The following BCL7C variants were observed in gnomAD, a reference collection of about 807,000 sequenced individuals.
BCL7C encodes the protein BAF chromatin remodeling complex subunit BCL7C, also known as B-cell CLL/lymphoma 7 protein family member C.
A neutral mutation model predicts 26.2 loss-of-function variants in BCL7C; 8 were observed. The observed-to-expected ratio is 0.30, with a 90% confidence interval of 0.18 to 0.55. The LOEUF is 0.55. Ranked by LOEUF, BCL7C falls within the 20% of genes least tolerant of loss-of-function variation. BCL7C has a pLI of 0.93. For missense variants in BCL7C, 262 were observed against 298.5 expected (o/e 0.88, Z 0.90); for synonymous variants, 90 against 116.5 (o/e 0.77, Z 1.47).
At chr16:30,867,098 A>G (rs2054836071) in intron 5 of BCL7C, among the ~76,000 whole-genome samples, 1 of 152,208 alleles carries the variant, frequency 6.6e-6, no homozygotes, top group African/African-American at 2.4e-5. Context: ...ATGACTTTTA[A>G]AATCTAGCCA....
chr16:30,871,196 A>G (rs1399562655), intron 5 of BCL7C, among the ~76,000 whole-genome samples: 3 of 152,112 alleles, frequency 2.0e-5, no homozygotes, highest in Admixed American at 6.6e-5. Context: ...GTAGCTAGAA[A>G]CTGACTTAGG....
intron 5 of BCL7C, among the ~76,000 whole-genome samples, chr16:30,868,537 G>A (rs983466617): frequency 6.6e-6 from 1 of 151,012 alleles, no homozygotes; most frequent in African/African-American, 2.4e-5. Flanking sequence ...TGTAATCCCA[G>A]CACTTTGGGA....
intron 5 of BCL7C, among the ~76,000 whole-genome samples, chr16:30,857,622 AAAC>A (rs1377953772): frequency 6.6e-6 from 1 of 152,124 alleles, no homozygotes; most frequent in Non-Finnish European, 1.5e-5. Context: ...GAGCAAGTTA[AAAC>A]ACCACAAAAC....
intron 5 of BCL7C, among the ~76,000 whole-genome samples, chr16:30,847,093 T>C (rs1258935893): frequency 6.6e-6 from 1 of 152,224 alleles, no homozygotes; most frequent in African/African-American, 2.4e-5. Context: ...AATGCTTCCA[T>C]GACAAGCCTA....
At chr16:30,848,236 T>C (rs536753537) in intron 5 of BCL7C, among the ~76,000 whole-genome samples, 3 of 152,218 alleles carry the variant, frequency 2.0e-5, no homozygotes, top group Non-Finnish European at 2.9e-5. Flanking sequence ...ATGTGTACTC[T>C]ATCAACTCTA....
intron 5 of BCL7C, among the ~76,000 whole-genome samples, chr16:30,836,180 G>A (rs995091877): frequency 2.0e-5 from 3 of 152,150 alleles, no homozygotes; most frequent in African/African-American, 7.2e-5. Context: ...CTTGAGCCTG[G>A]GAGGCAGAAG....
intron 5 of BCL7C, among the ~76,000 whole-genome samples, chr16:30,871,467 G>T (rs1212633813): frequency 4.6e-5 from 7 of 152,066 alleles, no homozygotes; most frequent in Admixed American, 4.6e-4. Context: ...AGTGCTCTGA[G>T]AATATTCACC....
chr16:30,865,748 A>C (rs1264362563), intron 5 of BCL7C, among the ~76,000 whole-genome samples: 1 of 94,652 alleles, frequency 1.1e-5, no homozygotes, highest in African/African-American at 4.2e-5. Context: ...TTTTTTTGAG[A>C]TGGAGTCTTG....
chr16:30,848,669 CGCCTGAGGTCAGGAGTTCAA>C (rs2054650415), intron 5 of BCL7C, among the ~76,000 whole-genome samples: 1 of 152,038 alleles, frequency 6.6e-6, no homozygotes, highest in East Asian at 1.9e-4. Flanking sequence ...GCCAGCAGAT[CGCCTGAGGTCAGGAGTTCAA>C]GACCAGCCTG....
At chr16:30,850,933 T>G (rs957822554) in intron 5 of BCL7C, among the ~76,000 whole-genome samples, 6 of 152,256 alleles carry the variant, frequency 3.9e-5, no homozygotes, top group Admixed American at 2.0e-4. Context: ...CAACTTTTGG[T>G]GCAAATGTAA....
At chr16:30,870,760 G>C (rs1340114374) in intron 5 of BCL7C, among the ~76,000 whole-genome samples, 4 of 152,114 alleles carry the variant, frequency 2.6e-5, no homozygotes, top group Non-Finnish European at 5.9e-5. Context: ...AGACTTGCTG[G>C]GGTACCACAG....
chr16:30,885,304 A>G (rs1216178130), downstream of BCL7C, among the ~76,000 whole-genome samples: 1 of 152,186 alleles, frequency 6.6e-6, no homozygotes, highest in Non-Finnish European at 1.5e-5. Flanking sequence ...AAGGCAAAGA[A>G]AGAGATCCTC....
At chr16:30,888,823 C>A (rs1300072795) in intron 5 of BCL7C, 37 bp downstream of exon 5, 5 of 1,604,998 alleles carry the variant, frequency 3.1e-6, no homozygotes, top group Non-Finnish European at 4.3e-6. Context: ...CCCATTCCCT[C>A]CAAGACCCAG....
intron 5 of BCL7C, among the ~76,000 whole-genome samples, chr16:30,862,773 C>T (rs964981742): frequency 1.3e-5 from 2 of 152,136 alleles, no homozygotes; most frequent in African/African-American, 4.8e-5. Flanking sequence ...GGTACTTTCA[C>T]CTTTGGATAC....
intron 5 of BCL7C, among the ~76,000 whole-genome samples, chr16:30,874,882 C>T (rs1427885592): frequency 6.6e-6 from 1 of 152,242 alleles, no homozygotes; most frequent in Non-Finnish European, 1.5e-5. Context: ...CTGACACGGT[C>T]AGCTCGCGGG....
At chr16:30,837,848 GCTAA>G (rs990430103) in intron 5 of BCL7C, among the ~76,000 whole-genome samples, 8 of 152,184 alleles carry the variant, frequency 5.3e-5, no homozygotes, top group African/African-American at 1.4e-4. Flanking sequence ...ACTGGCACAT[GCTAA>G]CTGAGTCCCA....
chr16:30,865,890 A>AT (rs4046092), intron 5 of BCL7C, among the ~76,000 whole-genome samples: 29,874 of 136,910 alleles, frequency 0.22, 3,748 homozygotes, highest in South Asian at 0.65. Flanking sequence ...CAGTGCCCTA[A>AT]TTTTTTTTTT....
chr16:30,886,927 C>T (rs1315606729), downstream of BCL7C, among the ~76,000 whole-genome samples: 5 of 152,210 alleles, frequency 3.3e-5, no homozygotes, highest in Non-Finnish European at 4.4e-5. Flanking sequence ...AATCCCAACA[C>T]TTTAGGAGGC....
At chr16:30,879,325 G>A (rs1351197216) in intron 5 of BCL7C, among the ~76,000 whole-genome samples, 1 of 152,080 alleles carries the variant, frequency 6.6e-6, no homozygotes, top group Non-Finnish European at 1.5e-5. Context: ...TCCCTGTGGT[G>A]CATTCACCTG....
Sources: gnomAD v4.1 joint callset for allele counts (sites outside exome capture counted in the v4.1 genomes callset) on GRCh38, gnomAD v4.1.1 for gene constraint, MANE v1.5 for transcripts, NCBI Gene and HGNC (gene_info 2026-07-23, HGNC 2026-07-21) for gene names.